MID1: variants seen among roughly 807,000 people sequenced by gnomAD.
The protein encoded by MID1 is E3 ubiquitin-protein ligase Midline-1.
A neutral mutation model predicts 40.4 loss-of-function variants in MID1; 7 were observed. The observed-to-expected ratio is 0.17, with a 90% CI of 0.10 to 0.33. The LOEUF is 0.33. MID1 is among the 10% of genes least tolerant of loss of function. MID1 has a pLI of 1.00. For synonymous variants in MID1, 229 were observed against 221.2 expected, an observed-to-expected ratio of 1.04 and a Z score of -0.31; for missense variants, 367 against 558.5, an observed-to-expected ratio of 0.66 and a Z score of 3.46.
rs577635466 is a variant in MID1, at chrX:10,585,670, G to C, written c.-56-18067C>G. ...GGGTTGGTTATTACTAGTTCTAAGGGGTTACACTGACCACTGGTACAGGAA... is the reference window on the plus strand; with the variant it reads ...GGGTTGGTTATTACTAGTTCTAAGGCGTTACACTGACCACTGGTACAGGAA... On this transcript the variant is annotated intron_variant, in intron 1 of 9. Coordinates refer to ENST00000317552, the MANE Select transcript of MID1 (RefSeq NM_000381.4). Among the ~76,000 whole-genome samples the C allele has an allele frequency of 3.0e-3, 328 of 111,054 alleles. 2 individuals are homozygous for C. Among genetic ancestry groups the C allele is most frequent in the African/African-American group, 0.01 (315 of 30,495 alleles).
At position 10,448,306 on chromosome X, in the gene MID1, T is replaced by C. The variant is rs184233981; in HGVS notation, c.*1062A>G. The C allele has an allele frequency of 1.8e-5, 2 of 111,378 alleles. No homozygotes were observed. Among genetic ancestry groups the C allele is most frequent in the Admixed American group, 1.9e-4 (2 of 10,468 alleles). The allele number at this position is 111,378 out of a possible 1,213,427, so 9.2% of individuals were successfully genotyped here. Reference sequence around the variant, plus strand: ...ATATTAAGTGTTTTTCAGTGACTTATGTTTGGATGTGGTAGTGCTGATCAG... The same window carrying C: ...ATATTAAGTGTTTTTCAGTGACTTACGTTTGGATGTGGTAGTGCTGATCAG... On this transcript the variant is annotated 3_prime_UTR_variant, in exon 10 of 10. Coordinates refer to ENST00000317552, the MANE Select transcript of MID1 (RefSeq NM_000381.4).
At chrX:10,609,565 G>A (rs1935690739) in intron 1 of MID1, among the ~76,000 whole-genome samples, 3 of 110,735 alleles carry the variant, frequency 2.7e-5, no homozygotes, top group African/African-American at 9.9e-5. Context: ...GATGTGGCAC[G>A]TTAGGGTCTT....
At chrX:10,527,498 A>G (rs1365739804) in intron 2 of MID1, among the ~76,000 whole-genome samples, 1 of 112,143 alleles carries the variant, frequency 8.9e-6, no homozygotes, top group Non-Finnish European at 1.9e-5. Context: ...GAATTAGAAG[A>G]TGGAACATTT....
chrX:10,514,478 C>T (rs1051497380), intron 3 of MID1, among the ~76,000 whole-genome samples: 1 of 111,868 alleles, frequency 8.9e-6, no homozygotes, highest in Non-Finnish European at 1.9e-5. Flanking sequence ...GTCAAGGGCA[C>T]TGAATCCAAA....
At chrX:10,561,373 CTAAT>C (rs1184086861) in intron 2 of MID1, among the ~76,000 whole-genome samples, 1 of 106,803 alleles carries the variant, frequency 9.4e-6, no homozygotes, top group Non-Finnish European at 1.9e-5. Context: ...CAAATGGGAT[CTAAT>C]TAAACTAAAG....
chrX:10,701,864 G>A (rs2043195831), intron 1 of MID1, among the ~76,000 whole-genome samples: 1 of 112,150 alleles, frequency 8.9e-6, no homozygotes, highest in African/African-American at 3.2e-5. Flanking sequence ...CTCATACCTT[G>A]GCAAAGATTT....
At chrX:10,662,253 G>A (rs1178098430) in intron 1 of MID1, among the ~76,000 whole-genome samples, 5 of 110,065 alleles carry the variant, frequency 4.5e-5, no homozygotes, top group Non-Finnish European at 7.6e-5. Flanking sequence ...GTGGTGAGCC[G>A]AGATCACACC....
At chrX:10,473,992 A>G (rs1929860794) in intron 6 of MID1, among the ~76,000 whole-genome samples, 1 of 112,165 alleles carries the variant, frequency 8.9e-6, no homozygotes, top group Non-Finnish European at 1.9e-5. Flanking sequence ...ACACAGCACT[A>G]GGAATTCCAA....
chrX:10,799,214 C>T (rs1333039484), intron 1 of MID1, among the ~76,000 whole-genome samples: 3 of 111,690 alleles, frequency 2.7e-5, no homozygotes, highest in Non-Finnish European at 3.8e-5. Context: ...TTTCTGCAGA[C>T]AGCTCAAATA....
intron 1 of MID1, among the ~76,000 whole-genome samples, chrX:10,727,662 GAAATGCAGATTCCC>G (rs2043404097): frequency 9.0e-6 from 1 of 111,437 alleles, no homozygotes; most frequent in Non-Finnish European, 1.9e-5. Flanking sequence ...AGGATGCATA[GAAATGCAGATTCCC>G]AGACTCTAAC....
intron 1 of MID1, among the ~76,000 whole-genome samples, chrX:10,679,330 G>A (rs2043043307): frequency 9.0e-6 from 1 of 111,522 alleles, no homozygotes; most frequent in East Asian, 2.8e-4. Context: ...AGGAACTCTC[G>A]AAGGATCAAT....
At chrX:10,644,667 G>A (rs1020021631) in intron 1 of MID1, among the ~76,000 whole-genome samples, 5 of 111,207 alleles carry the variant, frequency 4.5e-5, no homozygotes. Context: ...GACTTGATCA[G>A]TTCTTTAGCA....
At chrX:10,591,609 A>G (rs1057274628) in intron 1 of MID1, among the ~76,000 whole-genome samples, 3 of 111,510 alleles carry the variant, frequency 2.7e-5, no homozygotes, top group Admixed American at 9.5e-5. Flanking sequence ...AGCCACTGCC[A>G]GCTACCCTCC....
chrX:10,518,507 C>T (rs1056464976), intron 3 of MID1, among the ~76,000 whole-genome samples: 10 of 110,354 alleles, frequency 9.1e-5, no homozygotes, highest in African/African-American at 3.3e-4. Context: ...TATATGTATC[C>T]GTTTCTGGCA....
chrX:10,479,966 T>C lies in MID1; in HGVS notation c.1013+2514A>G, dbSNP rs1036382847. Among the ~76,000 whole-genome samples, 5 of 111,835 alleles carry C rather than the reference T, an allele frequency of 4.5e-5. No individual in the cohort carries two copies. In the Admixed American group the frequency reaches 4.8e-4, roughly 11 times the overall value. On this transcript the variant is annotated intron_variant, in intron 5 of 9. Coordinates refer to ENST00000317552, the MANE Select transcript of MID1 (RefSeq NM_000381.4). Reference sequence around the variant, plus strand: ...AAGTAGAAAATAGCTCAAAGACCCATAGTTAAAAAGTGGCAGTGCTAGGAC... The same window carrying C: ...AAGTAGAAAATAGCTCAAAGACCCACAGTTAAAAAGTGGCAGTGCTAGGAC...
chrX:10,507,404 AC>A (rs1443660911), intron 3 of MID1, among the ~76,000 whole-genome samples: 2 of 112,030 alleles, frequency 1.8e-5, no homozygotes, highest in African/African-American at 6.5e-5. Flanking sequence ...GTTTAATAGA[AC>A]CCTTAAAGGC....
chrX:10,629,245 T>C (rs1397188596), intron 1 of MID1, among the ~76,000 whole-genome samples: 1 of 110,711 alleles, frequency 9.0e-6, no homozygotes, highest in African/African-American at 3.3e-5. Context: ...TCATCCAGGC[T>C]GTTGTGCAGT....
Position 10,699,825 on chromosome X carries a change from C to CT in MID1, c.-186-79407dup, listed in dbSNP as rs768645495. On this transcript the variant is annotated intron_variant, in intron 1 of 10. Coordinates refer to the MID1 transcript ENST00000380785. ...ATTAGGAAAAGTGGCTAGCTCAATA[C>CT]TTTTTTTTTTTTTTGAGATGGAGCT... is the stretch of plus-strand genomic sequence containing the variant. 3.6e-3 allele frequency among the ~76,000 whole-genome samples: 369 copies of CT among 102,137 alleles called. 1 individual carries two copies. The highest frequency in any genetic ancestry group is 9.6e-3 in the African/African-American group (271 of 28,247). 88.7% of individuals were successfully genotyped at this position (102,137 alleles called of 115,157 possible).
rs60604264 is a variant in MID1 at position 10,561,180 on chromosome X, A to C, written c.660+5708T>G. On this transcript the variant is annotated intron_variant, in intron 2 of 9. Coordinates refer to ENST00000317552, the MANE Select transcript of MID1 (RefSeq NM_000381.4). ...GGCTAGCCATATGCAGAAAACAGAA[A>C]CTGAACCCCTTCATTACATCTTATA... Among the ~76,000 whole-genome samples, 835 of 107,433 alleles carry C rather than the reference A, an allele frequency of 7.8e-3. 120 individuals are homozygous for C. The highest frequency in any genetic ancestry group is 0.029 in the African/African-American group (790 of 26,870). The allele number at this position is 107,433 out of a possible 115,157, so 93.3% of individuals were successfully genotyped here. A position where few individuals can be genotyped will look rare whatever the true frequency, so the allele number is the denominator to read the frequency against.
Sources: gnomAD v4.1 joint callset for allele counts (sites outside exome capture counted in the v4.1 genomes callset) on GRCh38, gnomAD v4.1.1 for gene constraint, MANE v1.5 for transcripts, NCBI Gene and HGNC (gene_info 2026-07-23, HGNC 2026-07-21) for gene names.